The following IL1RAPL1 variants were observed in gnomAD, a reference collection of about 807,000 sequenced individuals.
The protein encoded by IL1RAPL1 is interleukin-1 receptor accessory protein-like 1.
A neutral mutation model predicts 48.4 loss-of-function variants in IL1RAPL1; 3 were observed. The observed-to-expected ratio is 0.06, with a 90% confidence interval of 0.03 to 0.16. The LOEUF (loss-of-function observed/expected upper bound fraction) is 0.16. Among genes scored for constraint, IL1RAPL1 ranks in the 10% least tolerant of loss-of-function variants. The pLI, the probability that IL1RAPL1 is intolerant of heterozygous loss-of-function variation, is 1.00. For synonymous variants in IL1RAPL1, 185 were observed against 187.7 expected, an observed-to-expected ratio of 0.99 and a Z score of 0.12; for missense variants, 349 against 530.6, an observed-to-expected ratio of 0.66 and a Z score of 3.36.
intron 5 of IL1RAPL1, among the ~76,000 whole-genome samples, chrX:29,514,816 TA>T (rs1001964833): frequency 3.6e-5 from 4 of 112,462 alleles, no homozygotes; most frequent in Admixed American, 9.4e-5. Context: ...ACAATCTGAT[TA>T]AAAAAAATCA....
chrX:28,836,395 A>G (rs200438642), intron 2 of IL1RAPL1, among the ~76,000 whole-genome samples: 1 of 103,159 alleles, frequency 9.7e-6, no homozygotes, highest in Non-Finnish European at 1.9e-5. Flanking sequence ...AGACAGACAG[A>G]CAGAGAGAGA....
At chrX:28,660,020 AT>A (rs1242986093) in intron 1 of IL1RAPL1, among the ~76,000 whole-genome samples, 1 of 109,118 alleles carries the variant, frequency 9.2e-6, no homozygotes, top group African/African-American at 3.3e-5. Context: ...GTGTGGGAAA[AT>A]CACTCTATAA....
intron 2 of IL1RAPL1, among the ~76,000 whole-genome samples, chrX:28,985,867 G>A (rs1180010931): frequency 9.1e-6 from 1 of 110,331 alleles, no homozygotes. Flanking sequence ...CACTGTGTTA[G>A]CCAGGATGGT....
chrX:29,788,287 G>A (rs775130435), intron 6 of IL1RAPL1, among the ~76,000 whole-genome samples: 18 of 111,528 alleles, frequency 1.6e-4, no homozygotes, highest in Non-Finnish European at 3.0e-4. Flanking sequence ...CTAGATTCTC[G>A]TGCTTGTAGA....
intron 1 of IL1RAPL1, among the ~76,000 whole-genome samples, chrX:28,634,527 C>T (rs754025130): frequency 5.5e-5 from 6 of 109,321 alleles, no homozygotes; most frequent in African/African-American, 2.0e-4. Flanking sequence ...TCCTCAAGCA[C>T]AGAAATAAGT....
At chrX:29,934,154 G>T (rs182185369) in intron 8 of IL1RAPL1, among the ~76,000 whole-genome samples, 264 of 112,011 alleles carry the variant, frequency 2.4e-3, no homozygotes, top group Non-Finnish European at 4.1e-3. Context: ...TGAAGGACTG[G>T]TTGGGTTTTG....
At chrX:29,419,390 G>A (rs895632143) in intron 5 of IL1RAPL1, among the ~76,000 whole-genome samples, 2 of 108,500 alleles carry the variant, frequency 1.8e-5, no homozygotes, top group Admixed American at 1.0e-4. Flanking sequence ...GCATGATCTC[G>A]GCTCACTGCA....
intron 3 of IL1RAPL1, among the ~76,000 whole-genome samples, chrX:29,389,835 C>G (rs1031620479): frequency 8.9e-6 from 1 of 111,811 alleles, no homozygotes; most frequent in Admixed American, 9.5e-5. Flanking sequence ...AGCATCTGCT[C>G]AATGGTCTCA....
intron 6 of IL1RAPL1, among the ~76,000 whole-genome samples, chrX:29,770,936 G>C (rs1325091695): frequency 4.7e-4 from 53 of 112,243 alleles, no homozygotes; most frequent in Non-Finnish European, 1.9e-5. Flanking sequence ...GGTGGAATCA[G>C]TATTGAGTGC....
intron 5 of IL1RAPL1, chrX:29,574,272 TG>T (rs1421938365): frequency 9.2e-6 from 1 of 109,179 alleles, no homozygotes; most frequent in Non-Finnish European, 1.9e-5. Flanking sequence ...TCTGCCTCCA[TG>T]ATCATGTCTA....
At chrX:29,363,133 T>A (rs1337733602) in intron 3 of IL1RAPL1, among the ~76,000 whole-genome samples, 1 of 111,666 alleles carries the variant, frequency 9.0e-6, no homozygotes, top group Admixed American at 9.6e-5. Context: ...GAGGTTCCCC[T>A]AAGGTCCCTG....
At chrX:29,104,602 T>G (rs949194575) in intron 2 of IL1RAPL1, among the ~76,000 whole-genome samples, 1 of 111,279 alleles carries the variant, frequency 9.0e-6, no homozygotes, top group African/African-American at 3.3e-5. Context: ...ATTGTACATT[T>G]AAAAATAACT....
chrX:29,926,669 G>A (rs1382381025), intron 8 of IL1RAPL1, among the ~76,000 whole-genome samples: 1 of 111,791 alleles, frequency 8.9e-6, no homozygotes, highest in Non-Finnish European at 1.9e-5. Flanking sequence ...TTTTGGGCTT[G>A]ATAATTCTTT....
At chrX:29,651,273 A>G (rs898020044) in intron 5 of IL1RAPL1, among the ~76,000 whole-genome samples, 1 of 111,312 alleles carries the variant, frequency 9.0e-6, no homozygotes, top group Non-Finnish European at 1.9e-5. Context: ...ACTCCTCGGT[A>G]TATATCCAAA....
chrX:29,766,704 T>TATATAA (rs1286347567), intron 6 of IL1RAPL1, among the ~76,000 whole-genome samples: 3 of 82,283 alleles, frequency 3.6e-5, no homozygotes, highest in African/African-American at 1.1e-4. Flanking sequence ...TAATATATAA[T>TATATAA]ATATAATATA....
chrX:29,116,088 T>A (rs1026475099), intron 2 of IL1RAPL1, among the ~76,000 whole-genome samples: 16 of 111,642 alleles, frequency 1.4e-4, no homozygotes, highest in Admixed American at 1.1e-3. Context: ...TTTGTATACT[T>A]TAATCTTCAA....
intron 5 of IL1RAPL1, among the ~76,000 whole-genome samples, chrX:29,474,509 G>C (rs1602252852): frequency 8.9e-6 from 1 of 111,777 alleles, no homozygotes; most frequent in East Asian, 2.8e-4. Flanking sequence ...CCTGAGGCTG[G>C]GTAATTTATA....
intron 2 of IL1RAPL1, among the ~76,000 whole-genome samples, chrX:29,002,924 C>CAA (rs761783730): frequency 9.1e-6 from 1 of 110,375 alleles, no homozygotes; most frequent in Admixed American, 9.7e-5. Flanking sequence ...TGTACACACA[C>CAA]ACACACACAC....
chrX:29,257,952 C>G (rs920022789), intron 2 of IL1RAPL1, among the ~76,000 whole-genome samples: 1 of 111,368 alleles, frequency 9.0e-6, no homozygotes, highest in Non-Finnish European at 1.9e-5. Context: ...CCTTTGACAA[C>G]ATTTGTGAAA....
Sources: gnomAD v4.1 joint callset for allele counts (sites outside exome capture counted in the v4.1 genomes callset) on GRCh38, gnomAD v4.1.1 for gene constraint, MANE v1.5 for transcripts, NCBI Gene and HGNC (gene_info 2026-07-23, HGNC 2026-07-21) for gene names.